Variants in NRP2 observed in about 807,000 individuals in gnomAD.
NRP2 encodes neuropilin-2.
In NRP2, 52 loss-of-function variants were observed where a neutral mutation model predicts 110.4. That is an observed-to-expected ratio of 0.47 (90% confidence interval 0.38 to 0.59). The LOEUF (loss-of-function observed/expected upper bound fraction) is 0.59, where lower values mean the gene tolerates loss of function less well. Ranked by LOEUF, NRP2 falls within the 20% of genes least tolerant of loss-of-function variation. NRP2 has a pLI of 0.00. For missense variants in NRP2, 1,049 were observed against 1,203.0 expected (o/e 0.87, Z 1.89); for synonymous variants, 508 against 468.9 (o/e 1.08, Z -1.08).
At chr2:205,790,095 T>C (rs2058282103) in intron 15 of NRP2, among the ~76,000 whole-genome samples, 1 of 152,156 alleles carries the variant, frequency 6.6e-6, no homozygotes, top group Non-Finnish European at 1.5e-5. Flanking sequence ...GAGCAGTGAT[T>C]ATATAAAAAG....
intron 6 of NRP2, among the ~76,000 whole-genome samples, chr2:205,727,567 T>A (rs1383021761): frequency 6.6e-6 from 1 of 152,134 alleles, no homozygotes; most frequent in Non-Finnish European, 1.5e-5. Context: ...GCTTCCACAG[T>A]CCAAGGCAGG....
At chr2:205,740,409 T>G in intron 7 of NRP2, 110 bp from the exon 8 acceptor site, 1 of 1,196,838 alleles carries the variant, frequency 8.4e-7, no homozygotes, top group South Asian at 1.2e-5. Flanking sequence ...ATTTTTAAGC[T>G]TGAGGGAAAG....
At chr2:205,751,184 G>A (rs550468463) in intron 11 of NRP2, among the ~76,000 whole-genome samples, 1 of 152,238 alleles carries the variant, frequency 6.6e-6, no homozygotes, top group Non-Finnish European at 1.5e-5. Flanking sequence ...AGCTTGTTGG[G>A]GGACCTGGAG....
intron 2 of NRP2, chr2:205,700,945 G>C: frequency 3.1e-6 from 1 of 322,326 alleles, no homozygotes. Context: ...GCGAGACTAC[G>C]GGCCGTCTGG....
rs2057045996 is a variant in NRP2, at chr2:205,722,723, G to A, written c.664+15G>A. 1.3e-6 allele frequency: 2 copies of A among 1,599,924 alleles called. No individual in the cohort carries two copies. Among genetic ancestry groups the A allele is most frequent in the Non-Finnish European group, 1.7e-6 (2 of 1,167,076 alleles). On this transcript the variant is annotated intron_variant, in intron 4 of 16. Coordinates refer to ENST00000357785, the MANE Select transcript of NRP2 (RefSeq NM_003872.3). ...CATTCCACATGGTGAGTGATGTCAT[G>A]AGGCATTCCTCAGTAGCTTGGCCTT...
Position 205,765,692 on chromosome 2 carries a change from G to A in NRP2, c.2404+122G>A, listed in dbSNP as rs1575651820. 3.5e-6 allele frequency: 3 copies of A among 848,964 alleles called. No homozygotes were observed. In the East Asian group the frequency reaches 7.3e-5, roughly 21 times the overall value. 52.6% of individuals were successfully genotyped at this position (848,964 alleles called of 1,614,324 possible). ...TTACCCAGTGGGTGGGGCAGCCACA[G>A]TCTCTGCAAGGTAAGGTGTGGGTGT... On this transcript the variant is annotated intron_variant, in intron 14 of 16. Transcript: ENST00000357785.
chr2:205,776,172 C>T (rs1559363511), intron 15 of NRP2: 1 of 1,439,116 alleles, frequency 6.9e-7, no homozygotes, highest in Non-Finnish European at 9.7e-7. Flanking sequence ...GTGTTTCTTT[C>T]TTTTTTTAAA....
At chr2:205,732,816 G>A (rs1181374225) in intron 7 of NRP2, among the ~76,000 whole-genome samples, 1 of 152,134 alleles carries the variant, frequency 6.6e-6, no homozygotes, top group Non-Finnish European at 1.5e-5. Context: ...CAGCCTCACT[G>A]TTCTCTTAGG....
chr2:205,751,695 C>T (rs2057648999), intron 11 of NRP2, among the ~76,000 whole-genome samples: 1 of 152,160 alleles, frequency 6.6e-6, no homozygotes, highest in Non-Finnish European at 1.5e-5. Context: ...CCTCCTCACC[C>T]CTAGGGTGAG....
intron 15 of NRP2, among the ~76,000 whole-genome samples, chr2:205,788,138 C>A (rs1043079052): frequency 6.6e-6 from 1 of 152,094 alleles, no homozygotes; most frequent in Non-Finnish European, 1.5e-5. Flanking sequence ...ATCAGTGAGA[C>A]CTTGAATCAT....
intron 5 of NRP2, among the ~76,000 whole-genome samples, chr2:205,724,450 T>C (rs1575590019): frequency 6.6e-6 from 1 of 152,240 alleles, no homozygotes; most frequent in East Asian, 1.9e-4. Flanking sequence ...CTGCTTAGAC[T>C]TGGACTTCAC....
At chr2:205,715,357 C>T (rs1001488209) in intron 2 of NRP2, among the ~76,000 whole-genome samples, 5 of 152,218 alleles carry the variant, frequency 3.3e-5, no homozygotes, top group African/African-American at 1.2e-4. Context: ...TTCAAATGAG[C>T]ACAGGCCTCC....
At chr2:205,765,063 C>T (rs541703029) in intron 13 of NRP2, among the ~76,000 whole-genome samples, 1 of 152,200 alleles carries the variant, frequency 6.6e-6, no homozygotes, top group South Asian at 2.1e-4. Context: ...CTCACATTAC[C>T]CCCACCTACT....
chr2:205,683,147 G>A lies in NRP2; in HGVS notation c.-144G>A. The A allele has an allele frequency of 1.5e-6, 1 of 657,828 alleles. No individual in the cohort carries two copies. The highest frequency in any genetic ancestry group is 2.7e-6 in the Non-Finnish European group (1 of 370,782). 40.7% of individuals were successfully genotyped at this position (657,828 alleles called of 1,614,324 possible). ...CCAGCAAGAATAGAGGTGAAGACAA[G>A]CCACCAGGACTCAGGAGGGAAACGC... On this transcript the variant is annotated 5_prime_UTR_variant, in exon 1 of 17. Transcript: ENST00000357785.
intron 2 of NRP2, among the ~76,000 whole-genome samples, chr2:205,712,687 A>G (rs3771044): frequency 0.18 from 26,715 of 152,104 alleles, 2,930 homozygotes; most frequent in African/African-American, 0.31. Context: ...TGAAGTCAGC[A>G]TGTCATTTGG....
intron 2 of NRP2, among the ~76,000 whole-genome samples, chr2:205,705,788 T>C (rs1427219571): frequency 6.6e-6 from 1 of 152,124 alleles, no homozygotes; most frequent in Non-Finnish European, 1.5e-5. Context: ...AAGCTGCCTT[T>C]GTATACCTGT....
rs1477179540 is a variant in NRP2, at chr2:205,763,202, C to T, written c.2045-472C>T. Among the ~76,000 whole-genome samples the T allele has an allele frequency of 2.0e-5, 3 of 152,158 alleles. No homozygotes were observed. The highest frequency in any genetic ancestry group is 4.4e-5 in the Non-Finnish European group (3 of 68,020). On this transcript the variant is annotated intron_variant, in intron 12 of 16. Transcript: ENST00000357785. This position sits in a 1 kb window ranked among gnomAD's most constrained non-coding sequence, Gnocchi z 4.0. Reference sequence around the variant, plus strand: ...CCAAGATGGCCAGGGCTGGAAGCATCAACCACCTGGTCATAGTCACCCTCC... The same window carrying T: ...CCAAGATGGCCAGGGCTGGAAGCATTAACCACCTGGTCATAGTCACCCTCC...
chr2:205,787,242 T>C (rs907541282), intron 15 of NRP2, among the ~76,000 whole-genome samples: 22 of 152,070 alleles, frequency 1.4e-4, no homozygotes, highest in African/African-American at 5.3e-4. Context: ...CCTAGGGCCC[T>C]CCACATCCCA....
At position 205,736,056 on chromosome 2, in the gene NRP2, A is replaced by C. The variant is rs556805165; in HGVS notation, c.1147-4463A>C. 2.6e-5 allele frequency among the ~76,000 whole-genome samples: 4 copies of C among 152,312 alleles called. No individual in the cohort carries two copies. The East Asian group carries it at 7.7e-4, about 29-fold the overall frequency. On this transcript the variant is annotated intron_variant, in intron 7 of 16. Coordinates refer to ENST00000357785, the MANE Select transcript of NRP2 (RefSeq NM_003872.3). ...GATCTTTCTTTTAAAACAAATAAAA[A>C]GTGGGCCAGGCATGGTGGCTCACAC...
Sources: allele counts gnomAD v4.1 joint callset (sites outside exome capture counted in the v4.1 genomes callset), GRCh38; gene constraint gnomAD v4.1.1; non-coding constraint Gnocchi (gnomAD v3.1); transcripts MANE v1.5; gene names NCBI Gene and HGNC (gene_info 2026-07-23, HGNC 2026-07-21).